Variants in SLCO5A1 observed in about 807,000 individuals in gnomAD.
The protein encoded by SLCO5A1 is solute carrier organic anion transporter family member 5A1.
SLCO5A1 carries 39 observed loss-of-function variants against 65.1 expected under a neutral mutation model. The ratio of observed to expected loss-of-function variants is 0.60; its 90% CI spans 0.46 to 0.78. The LOEUF (loss-of-function observed/expected upper bound fraction) is 0.78, where lower values mean the gene tolerates loss of function less well. Among genes scored for constraint, SLCO5A1 ranks in the 30% least tolerant of loss-of-function variants. The pLI is 0.00. For synonymous variants in SLCO5A1, 438 were observed against 415.7 expected (o/e 1.05, Z -0.65); for missense variants, 1,029 against 1,069.4 (o/e 0.96, Z 0.53).
chr8:69,737,251 G>A lies in SLCO5A1; in HGVS notation c.1423+789C>T, dbSNP rs565970171. On this transcript the variant is annotated intron_variant, in intron 5 of 9. Coordinates refer to ENST00000260126, the MANE Select transcript of SLCO5A1 (RefSeq NM_030958.3). ...GGATTTGAATGTGGAATTGGAGAAC[G>A]TAGGAGCCTAAGTCACTTGAAAAGT... Among the ~76,000 whole-genome samples the A allele has an allele frequency of 3.3e-5, 5 of 152,310 alleles. No individual in the cohort carries two copies. In the East Asian group the frequency reaches 5.8e-4, roughly 18 times the overall value.
At chr8:69,722,227 G>A (rs932612151) in intron 5 of SLCO5A1, among the ~76,000 whole-genome samples, 1 of 152,124 alleles carries the variant, frequency 6.6e-6, no homozygotes, top group Non-Finnish European at 1.5e-5. Context: ...GTTAGAGTGA[G>A]CTGACTTCAA....
intron 6 of SLCO5A1, among the ~76,000 whole-genome samples, chr8:69,699,568 A>AGC (rs1491022871): frequency 0.088 from 1,724 of 19,648 alleles, 32 homozygotes; most frequent in African/African-American, 0.45. Flanking sequence ...CACACACAGC[A>AGC]AACTGCTCAG....
chr8:69,782,080 G>A (rs1480903844), intron 2 of SLCO5A1, among the ~76,000 whole-genome samples: 1 of 152,166 alleles, frequency 6.6e-6, no homozygotes, highest in African/African-American at 2.4e-5. Flanking sequence ...TGTGGGGCAA[G>A]GGGAGGGAGA....
At chr8:69,713,950 T>C (rs1343517307) in intron 5 of SLCO5A1, 1 of 152,206 alleles carries the variant, frequency 6.6e-6, no homozygotes, top group East Asian at 1.9e-4. Context: ...TTGTAGGAAA[T>C]AAGTATCAAC....
chr8:69,731,443 C>T (rs1816334072), intron 5 of SLCO5A1, among the ~76,000 whole-genome samples: 1 of 152,218 alleles, frequency 6.6e-6, no homozygotes, highest in Non-Finnish European at 1.5e-5. Flanking sequence ...CATTTTGGGT[C>T]ATCTGAGTCT....
Position 69,670,504 on chromosome 8 carries a change from T to C in SLCO5A1, c.*2365A>G, listed in dbSNP as rs879575725. On this transcript the variant is annotated 3_prime_UTR_variant, in exon 10 of 10. Transcript: ENST00000260126. ...ACACATTAATGAAATACCTGCTATT[T>C]ATAAGGAGCAGATACTTGAGGAAGT... The C allele has an allele frequency of 6.6e-6, 1 of 152,218 alleles. No individual in the cohort carries two copies. Among genetic ancestry groups the C allele is most frequent in the Non-Finnish European group, 1.5e-5 (1 of 68,038 alleles). The allele number at this position is 152,218 out of a possible 1,614,324, so 9.4% of individuals were successfully genotyped here. A position where few individuals can be genotyped will look rare whatever the true frequency, so the allele number is the denominator to read the frequency against.
At chr8:69,743,051 C>T (rs1330133117) in intron 4 of SLCO5A1, among the ~76,000 whole-genome samples, 1 of 152,046 alleles carries the variant, frequency 6.6e-6, no homozygotes, top group African/African-American at 2.4e-5. Context: ...CTGCCCGCCT[C>T]GGCCTCCCAA....
intron 2 of SLCO5A1, among the ~76,000 whole-genome samples, chr8:69,778,490 A>G (rs1040009389): frequency 2.6e-5 from 4 of 152,042 alleles, no homozygotes; most frequent in African/African-American, 7.2e-5. Context: ...AATAGAAGGA[A>G]ATGCATCCAT....
intron 2 of SLCO5A1, among the ~76,000 whole-genome samples, chr8:69,799,151 T>G (rs1346154029): frequency 6.6e-6 from 1 of 152,244 alleles, no homozygotes; most frequent in Non-Finnish European, 1.5e-5. Context: ...AATAATAACC[T>G]GTTTCAAGTC....
chr8:69,702,007 A>G (rs865776834), intron 6 of SLCO5A1, among the ~76,000 whole-genome samples: 2 of 152,394 alleles, frequency 1.3e-5, no homozygotes, highest in Admixed American at 1.3e-4. Flanking sequence ...ATTAATTTAT[A>G]TAGTATTTCT....
intron 2 of SLCO5A1, among the ~76,000 whole-genome samples, chr8:69,797,831 C>T (rs973350568): frequency 5.3e-5 from 8 of 152,206 alleles, no homozygotes; most frequent in Admixed American, 1.3e-4. Context: ...TTTAATTTTG[C>T]CCCGGTCCTG....
Position 69,755,424 on chromosome 8 carries a change from C to T in SLCO5A1, c.1258G>A (p.Asp420Asn). The T allele has an allele frequency of 1.9e-6, 3 of 1,612,554 alleles. No individual in the cohort carries two copies. Among genetic ancestry groups the T allele is most frequent in the South Asian group, 2.2e-5 (2 of 90,976 alleles). The change falls in exon 4 of 10, where the codon GAC becomes AAC. Residue 420 changes from aspartate to asparagine, a missense_variant and splice_region_variant. Physicochemically the swap from Asp to Asn is conservative, Grantham distance 23. Transcript: ENST00000260126. ...SSMGFGKDVR[D>N]LPRAAVRILS... ...TATTTATTCAAGAGGTATACTTTAC[C>T]TCTGACATCCTTTCCAAATCCCATC... is the stretch of plus-strand genomic sequence containing the variant.
At chr8:69,763,312 G>GAA (rs939487522) in intron 2 of SLCO5A1, among the ~76,000 whole-genome samples, 73 of 137,900 alleles carry the variant, frequency 5.3e-4, no homozygotes, top group African/African-American at 1.8e-3. Flanking sequence ...CTCCATCTCA[G>GAA]AAAAAAAAAA....
intron 5 of SLCO5A1, among the ~76,000 whole-genome samples, chr8:69,729,301 G>A (rs927244951): frequency 2.6e-5 from 4 of 151,818 alleles, no homozygotes; most frequent in Non-Finnish European, 4.4e-5. Flanking sequence ...AACATTAGCC[G>A]GGCGAGGTGG....
intron 2 of SLCO5A1, among the ~76,000 whole-genome samples, chr8:69,830,744 A>C (rs1821118924): frequency 6.6e-6 from 1 of 152,142 alleles, no homozygotes. Context: ...AGCCCCCTGT[A>C]CTTAACTCAA....
At chr8:69,796,905 AG>A (rs1052817713) in intron 2 of SLCO5A1, among the ~76,000 whole-genome samples, 2 of 152,148 alleles carry the variant, frequency 1.3e-5, no homozygotes, top group African/African-American at 4.8e-5. Flanking sequence ...GCATAGCAAA[AG>A]TGACCTTTAC....
At position 69,732,489 on chromosome 8, in the gene SLCO5A1, T is replaced by C. The variant is rs1046155369; in HGVS notation, c.1423+5551A>G. ...GTGGAATCCTAAATCCTTTGGAATA[T>C]TGTCTTTTTGGAAATAGTGAAAAAA... On this transcript the variant is annotated intron_variant, in intron 5 of 9. Transcript: ENST00000260126. Among the ~76,000 whole-genome samples, 4 of 152,282 alleles carry C rather than the reference T, an allele frequency of 2.6e-5. No homozygotes were observed. In the East Asian group the frequency reaches 5.8e-4, roughly 22 times the overall value.
chr8:69,794,372 T>A, intron 2 of SLCO5A1: 1 of 428,986 alleles, frequency 2.3e-6, no homozygotes, highest in Middle Eastern at 3.6e-4. Context: ...TCCTACTATT[T>A]ATCATTGTAA....
At chr8:69,679,934 T>C (rs1488403435) in intron 7 of SLCO5A1, among the ~76,000 whole-genome samples, 1 of 152,178 alleles carries the variant, frequency 6.6e-6, no homozygotes, top group Admixed American at 6.5e-5. Flanking sequence ...TGTTAACTCT[T>C]GGGCTCTCCA....
Sources: allele counts gnomAD v4.1 joint callset (sites outside exome capture counted in the v4.1 genomes callset), GRCh38; gene constraint gnomAD v4.1.1; transcripts MANE v1.5; gene names NCBI Gene and HGNC (gene_info 2026-07-23, HGNC 2026-07-21).